Variants in TTC29 observed in about 807,000 individuals in gnomAD.
TTC29 encodes the protein tetratricopeptide repeat protein 29.
Under a neutral mutation model 58.1 loss-of-function variants are expected in TTC29, and 49 were observed. The ratio of observed to expected loss-of-function variants is 0.84; its 90% CI spans 0.67 to 1.07. TTC29 has a LOEUF of 1.07. Among genes scored for constraint, TTC29 ranks in the 50% least tolerant of loss-of-function variants. The pLI, the probability that TTC29 is intolerant of heterozygous loss-of-function variation, is 0.00. For missense variants in TTC29, 582 were observed against 555.6 expected (o/e 1.05, Z -0.48); for synonymous variants, 209 against 196.8 (o/e 1.06, Z -0.52).
chr4:146,817,688 C>T (rs1561154437), intron 10 of TTC29, among the ~76,000 whole-genome samples: 1 of 152,196 alleles, frequency 6.6e-6, no homozygotes, highest in Non-Finnish European at 1.5e-5. Context: ...AACTATACTA[C>T]AAGGCTACAG....
chr4:146,809,655 T>C (rs1750875174), intron 10 of TTC29, among the ~76,000 whole-genome samples: 2 of 149,062 alleles, frequency 1.3e-5, no homozygotes, highest in Admixed American at 6.9e-5. Context: ...ACCAAACATA[T>C]GAAAAAAAAG....
chr4:146,848,220 T>A (rs1395171015), intron 8 of TTC29, among the ~76,000 whole-genome samples: 1 of 152,228 alleles, frequency 6.6e-6, no homozygotes, highest in Non-Finnish European at 1.5e-5. Flanking sequence ...CACCTCAGCC[T>A]ATGCAAAGAG....
chr4:146,829,696 G>T (rs1476174394), intron 9 of TTC29, among the ~76,000 whole-genome samples: 1 of 152,034 alleles, frequency 6.6e-6, no homozygotes, highest in East Asian at 1.9e-4. Context: ...ATAACAGAAA[G>T]GTAATTTTCA....
At chr4:146,899,106 G>A (rs1014484503) in intron 6 of TTC29, among the ~76,000 whole-genome samples, 2 of 152,194 alleles carry the variant, frequency 1.3e-5, no homozygotes, top group Non-Finnish European at 2.9e-5. Flanking sequence ...AGCTGCAACT[G>A]CAAGGCTTGG....
At chr4:146,743,600 T>C (rs545075670) in intron 11 of TTC29, among the ~76,000 whole-genome samples, 10 of 152,360 alleles carry the variant, frequency 6.6e-5, no homozygotes, top group Non-Finnish European at 1.3e-4. Context: ...CTCATATGTC[T>C]TTAGCACAGT....
intron 4 of TTC29, among the ~76,000 whole-genome samples, chr4:146,922,163 C>T (rs1009147075): frequency 2.5e-4 from 38 of 150,336 alleles, no homozygotes; most frequent in African/African-American, 8.3e-4. Flanking sequence ...AAGTTATCAC[C>T]GTATTTAAAA....
chr4:146,925,914 C>A (rs926085424), intron 4 of TTC29, among the ~76,000 whole-genome samples: 1 of 152,078 alleles, frequency 6.6e-6, no homozygotes, highest in Non-Finnish European at 1.5e-5. Context: ...TCTCTTTGAA[C>A]CATCCTTTTT....
intron 4 of TTC29, among the ~76,000 whole-genome samples, chr4:146,917,634 A>AC: frequency 2.1e-5 from 3 of 145,156 alleles, no homozygotes; most frequent in Non-Finnish European, 4.6e-5. Flanking sequence ...GATATTATAT[A>AC]AATTATATAT....
At chr4:146,858,135 T>G (rs1267239383) in intron 8 of TTC29, among the ~76,000 whole-genome samples, 1 of 152,210 alleles carries the variant, frequency 6.6e-6, no homozygotes, top group African/African-American at 2.4e-5. Context: ...ATTTAAAGTG[T>G]AAACACACAT....
intron 4 of TTC29, among the ~76,000 whole-genome samples, chr4:146,929,804 A>G (rs1288462319): frequency 1.3e-5 from 2 of 152,082 alleles, no homozygotes; most frequent in Non-Finnish European, 2.9e-5. Context: ...TTCTAGCTAT[A>G]CAGTATCTGT....
In TTC29 at chr4:146,932,851, TAGAGAC is replaced by T. The variant is rs1456649646; in HGVS notation, c.176+4737_176+4742del. Among the ~76,000 whole-genome samples the T allele has an allele frequency of 2.0e-5, 3 of 151,960 alleles. No homozygotes were observed. In the East Asian group the frequency reaches 5.8e-4, roughly 30 times the overall value. ...GTGGGTGGATCACAAGGTCAGGAGA[TAGAGAC>T]CATCCTGGCCAACATGGTGAAACCC... On this transcript the variant is annotated intron_variant, in intron 4 of 12. Coordinates refer to ENST00000325106, the MANE Select transcript of TTC29 (RefSeq NM_031956.4).
intron 8 of TTC29, among the ~76,000 whole-genome samples, chr4:146,865,654 A>T (rs1730516865): frequency 6.6e-6 from 1 of 152,172 alleles, no homozygotes; most frequent in Non-Finnish European, 1.5e-5. Context: ...CCTGAATCTA[A>T]AAGTTGAAAT....
chr4:146,798,487 GATA>G (rs1749979408), intron 11 of TTC29, among the ~76,000 whole-genome samples: 1 of 152,016 alleles, frequency 6.6e-6, no homozygotes, highest in African/African-American at 2.4e-5. Context: ...TAAAAATAAT[GATA>G]ATAATAAGTT....
intron 11 of TTC29, among the ~76,000 whole-genome samples, chr4:146,752,372 C>T (rs1472979993): frequency 3.6e-5 from 4 of 112,464 alleles, no homozygotes; most frequent in African/African-American, 1.3e-4. Context: ...TCAAGGAGAA[C>T]TACAAACCAC....
intron 9 of TTC29, chr4:146,831,701 G>A (rs953206886): frequency 3.8e-5 from 17 of 449,728 alleles, no homozygotes; most frequent in African/African-American, 2.6e-4. Flanking sequence ...TGACTGAATC[G>A]ACCAGGAATT....
chr4:146,759,764 T>C (rs901491253), intron 11 of TTC29, among the ~76,000 whole-genome samples: 2 of 152,066 alleles, frequency 1.3e-5, no homozygotes, highest in Non-Finnish European at 2.9e-5. Context: ...CTCAGCAAAA[T>C]TGGCATACAA....
chr4:146,896,903 C>T (rs1411969621), intron 6 of TTC29, among the ~76,000 whole-genome samples: 1 of 152,128 alleles, frequency 6.6e-6, no homozygotes, highest in East Asian at 1.9e-4. Context: ...TTTCTAGTTT[C>T]TACTTTTGTC....
intron 11 of TTC29, among the ~76,000 whole-genome samples, chr4:146,719,485 A>G (rs1409761292): frequency 6.6e-6 from 1 of 152,178 alleles, no homozygotes; most frequent in African/African-American, 2.4e-5. Flanking sequence ...TTCAAAAGGA[A>G]GGTAAGTCTT....
chr4:146,939,036 C>T (rs565089379), intron 3 of TTC29, among the ~76,000 whole-genome samples: 1 of 152,312 alleles, frequency 6.6e-6, no homozygotes, highest in East Asian at 1.9e-4. Flanking sequence ...TTTGATGATG[C>T]ATTTTCAAGC....
Sources: gnomAD v4.1 joint callset for allele counts (sites outside exome capture counted in the v4.1 genomes callset) on GRCh38, gnomAD v4.1.1 for gene constraint, MANE v1.5 for transcripts, NCBI Gene and HGNC (gene_info 2026-07-23, HGNC 2026-07-21) for gene names.